PTGR1: variants seen among roughly 807,000 people sequenced by gnomAD.
PTGR1 encodes the protein 15-oxoprostaglandin 13-reductase.
Under a neutral mutation model 37.7 loss-of-function variants are expected in PTGR1, and 23 were observed. The ratio of observed to expected loss-of-function variants is 0.61; its 90% CI spans 0.44 to 0.86. The LOEUF is 0.86. PTGR1 is among the 40% of genes least tolerant of loss of function. The pLI is 0.00. For missense variants in PTGR1, 351 were observed against 394.3 expected, an observed-to-expected ratio of 0.89 and a Z score of 0.93; for synonymous variants, 134 against 140.0, an observed-to-expected ratio of 0.96 and a Z score of 0.30.
At chr9:111,594,332 A>G in intron 2 of PTGR1, 65 bp from the exon 3 acceptor site, 1 of 1,403,586 alleles carries the variant, frequency 7.1e-7, no homozygotes, top group Non-Finnish European at 1.0e-6. Context: ...ATAGACACTG[A>G]GCACCACTAG....
chr9:111,565,283 C>G (rs1375183973), intron 9 of PTGR1, among the ~76,000 whole-genome samples: 1 of 152,064 alleles, frequency 6.6e-6, no homozygotes, highest in Non-Finnish European at 1.5e-5. Context: ...AAGAGAGAGG[C>G]CTGCAAAGAA....
At chr9:111,568,410 T>C (rs912034177) in intron 9 of PTGR1, among the ~76,000 whole-genome samples, 4 of 152,140 alleles carry the variant, frequency 2.6e-5, no homozygotes, top group Non-Finnish European at 5.9e-5. Context: ...TCCGCCCTGG[T>C]AAATTTGTGG....
chr9:111,583,502 G>A lies in PTGR1; in HGVS notation c.465C>T (p.Gly155=), dbSNP rs750971615. 21 of 1,613,732 alleles carry A rather than the reference G, an allele frequency of 1.3e-5. No individual in the cohort carries two copies. In the South Asian group the frequency reaches 2.1e-4, roughly 16 times the overall value. Residue 155 remains glycine, a synonymous_variant, in exon 6 of 10, where the codon GGC becomes GGT. Coordinates refer to ENST00000407693, the MANE Select transcript of PTGR1 (RefSeq NM_001146108.2). Reference sequence around the variant, plus strand: ...GCTTTGCAATCTGCCCCACGACTGAGCCCACAGCTCCAGCTGCTGCATTAA... The same window carrying A: ...GCTTTGCAATCTGCCCCACGACTGAACCCACAGCTCCAGCTGCTGCATTAA... ...VMVNAAAGAV[G]SVVGQIAKLK...
chr9:111,551,214 A>G (rs1054978757), intron 9 of PTGR1, among the ~76,000 whole-genome samples: 21 of 152,258 alleles, frequency 1.4e-4, no homozygotes, highest in African/African-American at 4.1e-4. Context: ...TTTTTGCACT[A>G]TTTTTGAAAT....
At chr9:111,596,213 A>T (rs1182839174) in intron 2 of PTGR1, among the ~76,000 whole-genome samples, 1 of 152,186 alleles carries the variant, frequency 6.6e-6, no homozygotes, top group Non-Finnish European at 1.5e-5. Flanking sequence ...TCTCCTTGCC[A>T]CTTCTCCCAT....
chr9:111,572,503 T>C (rs1165051373), intron 8 of PTGR1, among the ~76,000 whole-genome samples: 1 of 152,028 alleles, frequency 6.6e-6, no homozygotes, highest in African/African-American at 2.4e-5. Flanking sequence ...GGCAGGAGAA[T>C]CGCTTGAACC....
At chr9:111,581,381 C>T (rs894083406) in intron 6 of PTGR1, among the ~76,000 whole-genome samples, 7 of 152,026 alleles carry the variant, frequency 4.6e-5, no homozygotes, top group Admixed American at 1.3e-4. Context: ...TGAAGAAAAA[C>T]GTTGGTCTTC....
Position 111,586,813 on chromosome 9 carries a change from A to C in PTGR1, c.210-648T>G, listed in dbSNP as rs1033079321. Among the ~76,000 whole-genome samples the C allele has an allele frequency of 5.4e-5, 8 of 149,296 alleles. No individual in the cohort carries two copies. The East Asian group carries it at 1.6e-3, about 30-fold the overall frequency. ...TCTCTCTCTCTCTCTCTATATATAT[A>C]TATATATGCATACTTTTTTTTTTTA... On this transcript the variant is annotated intron_variant, in intron 4 of 9. Coordinates refer to ENST00000407693, the MANE Select transcript of PTGR1 (RefSeq NM_001146108.2).
intron 7 of PTGR1, chr9:111,576,442 T>C (rs1319759203): frequency 6.2e-7 from 1 of 1,613,944 alleles, no homozygotes; most frequent in Non-Finnish European, 8.5e-7. Flanking sequence ...TTGTTTCAAC[T>C]GTTACACAGA....
intron 6 of PTGR1, among the ~76,000 whole-genome samples, chr9:111,581,753 G>C (rs1362930760): frequency 6.6e-6 from 1 of 151,988 alleles, no homozygotes; most frequent in African/African-American, 2.4e-5. Context: ...TGAGATTATA[G>C]GCACACAGCA....
intron 9 of PTGR1, chr9:111,564,220 C>G (rs551128537): frequency 1.9e-6 from 2 of 1,079,364 alleles, no homozygotes; most frequent in East Asian, 1.8e-4. Context: ...GATTTATAGA[C>G]AAGATTATTT....
chr9:111,561,179 A>AGAGAGAGAG (rs1828309828), downstream of PTGR1, among the ~76,000 whole-genome samples: 6 of 45,538 alleles, frequency 1.3e-4, no homozygotes, highest in South Asian at 1.4e-3. Flanking sequence ...GAGAGAGAGA[A>AGAGAGAGAG]AGAGAGAGAG....
At chr9:111,562,158 CCA>C (rs1469460613), downstream of PTGR1, among the ~76,000 whole-genome samples, 1 of 152,126 alleles carries the variant, frequency 6.6e-6, no homozygotes, top group African/African-American at 2.4e-5. Flanking sequence ...CAAACGTGAG[CCA>C]CCGCGCCCGG....
downstream of PTGR1, among the ~76,000 whole-genome samples, chr9:111,562,369 A>G (rs945687229): frequency 1.3e-5 from 2 of 148,996 alleles, no homozygotes. Flanking sequence ...TCCGCCTCCC[A>G]GGTTCAAGTG....
chr9:111,549,927 A>G (rs1827890401), intron 9 of PTGR1: 1 of 631,820 alleles, frequency 1.6e-6, no homozygotes, highest in Non-Finnish European at 2.8e-6. Flanking sequence ...GTGCCTTTGA[A>G]TGGTCAATAC....
At chr9:111,573,009 A>G (rs951413171) in intron 8 of PTGR1, among the ~76,000 whole-genome samples, 5 of 152,136 alleles carry the variant, frequency 3.3e-5, no homozygotes, top group Non-Finnish European at 7.4e-5. Flanking sequence ...TAACAGTGGA[A>G]TATGTTAGAA....
At chr9:111,579,097 A>C in intron 6 of PTGR1, 146 bp from the exon 7 acceptor site, 1 of 719,566 alleles carries the variant, frequency 1.4e-6, no homozygotes, top group African/African-American at 1.8e-5. Context: ...ATAATGGGCC[A>C]ACAGATCCCA....
downstream of PTGR1, among the ~76,000 whole-genome samples, chr9:111,562,221 T>C (rs1220015121): frequency 6.6e-6 from 1 of 151,998 alleles, no homozygotes; most frequent in Non-Finnish European, 1.5e-5. Flanking sequence ...AAAGATGTTA[T>C]TATCCTCACT....
downstream of PTGR1, among the ~76,000 whole-genome samples, chr9:111,561,165 GAGAGAGAGA>G (rs2132309857): frequency 7.0e-6 from 1 of 142,294 alleles, no homozygotes; most frequent in African/African-American, 2.6e-5. Flanking sequence ...GAGAGAGAGA[GAGAGAGAGA>G]GAGAAAGAGA....
Sources: allele counts gnomAD v4.1 joint callset (sites outside exome capture counted in the v4.1 genomes callset), GRCh38; gene constraint gnomAD v4.1.1; transcripts MANE v1.5; gene names NCBI Gene and HGNC (gene_info 2026-07-23, HGNC 2026-07-21).